NUMBL: variants seen among roughly 807,000 people sequenced by gnomAD.
NUMBL encodes the protein numb-like protein.
Under a neutral mutation model 48.9 loss-of-function variants are expected in NUMBL, and 20 were observed. The observed-to-expected ratio is 0.41, with a 90% confidence interval of 0.29 to 0.59. The LOEUF (loss-of-function observed/expected upper bound fraction) is 0.59. NUMBL is among the 20% of genes least tolerant of loss of function. The pLI is 0.31. For missense variants in NUMBL, 660 were observed against 846.2 expected (o/e 0.78, Z 2.73); for synonymous variants, 340 against 348.7 (o/e 0.98, Z 0.28).
At chr19:40,677,558 TG>T in intron 6 of NUMBL, 137 bp from the exon 7 acceptor site, 1 of 712,628 alleles carries the variant, frequency 1.4e-6, no homozygotes, top group Non-Finnish European at 2.3e-6. Context: ...AGTGCTCATC[TG>T]CACCACAAGG....
Position 40,680,139 on chromosome 19 carries a change from T to TG in NUMBL, c.540+777_540+778insC, listed in dbSNP as rs199927179. On this transcript the variant is annotated intron_variant, in intron 6 of 9. Coordinates refer to ENST00000252891, the MANE Select transcript of NUMBL (RefSeq NM_004756.5). ...TCTCATCCCCAAATAGTTTTTTTTT[T>TG]TTGTTTTCTTGAGACAGAGTCTCGC... Among the ~76,000 whole-genome samples, 977 of 151,456 alleles carry TG rather than the reference T, an allele frequency of 6.5e-3. 2 individuals are homozygous for TG. The highest frequency in any genetic ancestry group is 0.034 in the Middle Eastern group (10 of 294).
chr19:40,683,358 A>G (rs2081915611), intron 3 of NUMBL, among the ~76,000 whole-genome samples: 1 of 152,210 alleles, frequency 6.6e-6, no homozygotes, highest in Admixed American at 6.5e-5. Context: ...GAGTTAGGGT[A>G]CCTGAGCCCC....
At chr19:40,689,330 T>C (rs570058586) in intron 1 of NUMBL, among the ~76,000 whole-genome samples, 1 of 152,126 alleles carries the variant, frequency 6.6e-6, no homozygotes, top group Non-Finnish European at 1.5e-5. Flanking sequence ...AGTACAGGAT[T>C]CTGCACAGTG....
At chr19:40,684,123 C>A (rs1423396951) in intron 3 of NUMBL, 2 of 269,612 alleles carry the variant, frequency 7.4e-6, no homozygotes. Flanking sequence ...GGCTGGAGTG[C>A]AATGGCGCTA....
chr19:40,686,392 C>A (rs571689853), intron 2 of NUMBL, among the ~76,000 whole-genome samples: 154 of 129,216 alleles, frequency 1.2e-3, no homozygotes, highest in African/African-American at 4.5e-3. Context: ...GACCTCCTGA[C>A]CTCAGGTGAT....
At chr19:40,677,772 CAGG>C (rs1207451130) in intron 6 of NUMBL, among the ~76,000 whole-genome samples, 1 of 152,030 alleles carries the variant, frequency 6.6e-6, no homozygotes, top group Non-Finnish European at 1.5e-5. Context: ...CCCTTGAGCC[CAGG>C]AGGTCAAGGC....
chr19:40,674,840 G>GA (rs1217806069), intron 7 of NUMBL, among the ~76,000 whole-genome samples: 1 of 152,082 alleles, frequency 6.6e-6, no homozygotes, highest in Non-Finnish European at 1.5e-5. Context: ...AAATGTTTTG[G>GA]AATCCAACAA....
Position 40,687,248 on chromosome 19 carries a change from C to G in NUMBL, c.25-253G>C, listed in dbSNP as rs1488099250. On this transcript the variant is annotated intron_variant, in intron 1 of 9. Coordinates refer to ENST00000252891, the MANE Select transcript of NUMBL (RefSeq NM_004756.5). This position sits in a 1 kb window ranked among gnomAD's most constrained non-coding sequence, Gnocchi z 4.6. ...GAGAGCCTCACTGCCCAAGGGGATG[C>G]TGTGAGAGTGGCCTTGCCCTCCAGA... Among the ~76,000 whole-genome samples, 2 of 152,152 alleles carry G rather than the reference C, an allele frequency of 1.3e-5. No individual in the cohort carries two copies. Among genetic ancestry groups the G allele is most frequent in the Non-Finnish European group, 2.9e-5 (2 of 67,998 alleles).
chr19:40,671,511 G>GT (rs1197244496), intron 8 of NUMBL, among the ~76,000 whole-genome samples: 1 of 152,132 alleles, frequency 6.6e-6, no homozygotes, highest in East Asian at 1.9e-4. Flanking sequence ...AGGAGCACGT[G>GT]TGACAGCCTG....
In NUMBL at chr19:40,667,835, G is replaced by A. The variant is rs760640383; in HGVS notation, c.1463C>T (p.Pro488Leu). The change falls in exon 10 of 10, where the codon CCC (proline) becomes CTC (leucine). Residue 488 changes from proline to leucine, a missense_variant. Physicochemically the swap from Pro to Leu is moderately conservative, Grantham distance 98 (BLOSUM62 -3). Coordinates refer to ENST00000252891, the MANE Select transcript of NUMBL (RefSeq NM_004756.5). This position sits in a 1 kb window ranked among gnomAD's most constrained non-coding sequence, Gnocchi z 6.1. The part of the protein sequence containing the change: ...AVFLPPPHMQ[P>L]PFVPAYPGLG... ...GCCCGGGTAGGCGGGCACAAAAGGG[G>A]GCTGCATGTGTGGGGGTGGCAGGAA... 2.0e-5 allele frequency: 32 copies of A among 1,591,112 alleles called. No individual in the cohort carries two copies. Among genetic ancestry groups the A allele is most frequent in the Non-Finnish European group, 2.5e-5 (29 of 1,169,166 alleles).
chr19:40,682,849 CCT>C lies in NUMBL; in HGVS notation c.324+43_324+44del, dbSNP rs2081911999. ...AAGGAGCCGGGTCAGGGTGCCTCTC[CCT>C]GTCTGACCTTGCCCCCTCCCTCATG... On this transcript the variant is annotated intron_variant, in intron 4 of 9. Transcript: ENST00000252891. The surrounding 1 kb of genome is among the most constrained non-coding windows in gnomAD (Gnocchi z 4.0). 1.9e-6 allele frequency: 3 copies of C among 1,613,892 alleles called. No individual in the cohort carries two copies. The highest frequency in any genetic ancestry group is 2.5e-6 in the Non-Finnish European group (3 of 1,179,930).
intron 8 of NUMBL, among the ~76,000 whole-genome samples, chr19:40,670,572 A>G (rs1222880902): frequency 6.6e-6 from 1 of 151,888 alleles, no homozygotes; most frequent in Non-Finnish European, 1.5e-5. Context: ...CAAAGGTACC[A>G]TCCAAATAAA....
chr19:40,675,170 A>C (rs2081869035), intron 7 of NUMBL, among the ~76,000 whole-genome samples: 1 of 143,898 alleles, frequency 6.9e-6, no homozygotes, highest in Non-Finnish European at 1.5e-5. Context: ...AAAAAAAAAA[A>C]CTTAGCTGGA....
chr19:40,667,565 T>A lies in NUMBL; in HGVS notation c.1733A>T (p.Glu578Val). The A allele has an allele frequency of 6.4e-7, 1 of 1,559,522 alleles. No individual in the cohort carries two copies. The highest frequency in any genetic ancestry group is 8.7e-7 in the Non-Finnish European group (1 of 1,151,218). ...PAPAPELDPF[E>V]AQWAALEGKA... is the part of the protein sequence containing the mutation. ...GCCTTCTAATGCCGCCCACTGGGCCTCAAAGGGGTCCAACTCTGGAGCTGG... is the reference window on the plus strand; with the variant it reads ...GCCTTCTAATGCCGCCCACTGGGCCACAAAGGGGTCCAACTCTGGAGCTGG... The change falls in exon 10 of 10, where the codon GAG becomes GTG. Residue 578 changes from glutamate to valine, a missense_variant. Coordinates refer to ENST00000252891, the MANE Select transcript of NUMBL (RefSeq NM_004756.5). The surrounding 1 kb of genome is among the most constrained non-coding windows in gnomAD (Gnocchi z 6.1).
chr19:40,667,485 A>G lies in NUMBL; in HGVS notation c.1813T>C (p.Phe605Leu). 1 of 1,603,120 alleles carries G rather than the reference A, an allele frequency of 6.2e-7. No individual in the cohort carries two copies. The highest frequency in any genetic ancestry group is 8.5e-7 in the Non-Finnish European group (1 of 1,175,138). Residue 605 changes from phenylalanine (F) to leucine (L), a missense_variant, in exon 10 of 10, where the codon TTC becomes CTC. Physicochemically the swap from Phe to Leu is conservative, Grantham distance 22. This residue lies in a region of NUMBL where 296 missense variants were observed against 339.7 expected (regional missense o/e 0.87). Coordinates refer to ENST00000252891, the MANE Select transcript of NUMBL (RefSeq NM_004756.5). This position sits in a 1 kb window ranked among gnomAD's most constrained non-coding sequence, Gnocchi z 6.1. ...NPFSGDLQKT[F>L]EIEL ...GGCTCGGGCTACAGTTCAATCTCGA[A>G]TGTCTTTTGCAGGTCGCCAGAAAAG...
chr19:40,668,570 T>C (rs1036167284), intron 9 of NUMBL, among the ~76,000 whole-genome samples: 3 of 152,246 alleles, frequency 2.0e-5, no homozygotes, highest in African/African-American at 7.2e-5. Context: ...GCAATTCTCG[T>C]GCCTCAGTCT....
At chr19:40,680,794 T>C (rs2081901004) in intron 6 of NUMBL, 123 bp downstream of exon 6, 6 of 1,114,122 alleles carry the variant, frequency 5.4e-6, no homozygotes, top group Non-Finnish European at 8.0e-6. Flanking sequence ...TACTTTCTTC[T>C]CCAGATGAGG....
rs1303229860 is a variant in NUMBL, at chr19:40,688,666, CAAT to C, written c.25-1674_25-1672del. On this transcript the variant is annotated intron_variant, in intron 1 of 9. Transcript: ENST00000252891. The surrounding 1 kb of genome is among the most constrained non-coding windows in gnomAD (Gnocchi z 4.6). ...CAGGGTCAGACATGCAGGTCAAACA[CAAT>C]AATATGGAAGCCATAATCATATACA... 1.3e-5 allele frequency among the ~76,000 whole-genome samples: 2 copies of C among 152,294 alleles called. No individual in the cohort carries two copies. Among genetic ancestry groups the C allele is most frequent in the East Asian group, 1.9e-4 (1 of 5,186 alleles).
In NUMBL at chr19:40,682,991, G is replaced by T; in HGVS notation, c.250-23C>A. ...GTACTTGGGTTGGAGGGAATGGGGGGGGGGACATGAAACAGCACAGTAATC... is the reference window on the plus strand; with the variant it reads ...GTACTTGGGTTGGAGGGAATGGGGGTGGGGACATGAAACAGCACAGTAATC... On this transcript the variant is annotated intron_variant, in intron 3 of 9. Coordinates refer to ENST00000252891, the MANE Select transcript of NUMBL (RefSeq NM_004756.5). The surrounding 1 kb of genome is among the most constrained non-coding windows in gnomAD (Gnocchi z 4.0). 1 of 1,608,984 alleles carries T rather than the reference G, an allele frequency of 6.2e-7. No homozygotes were observed. Among genetic ancestry groups the T allele is most frequent in the Non-Finnish European group, 8.5e-7 (1 of 1,175,656 alleles).
Sources: gnomAD v4.1 joint callset for allele counts (sites outside exome capture counted in the v4.1 genomes callset) on GRCh38, gnomAD v4.1.1 for gene constraint, gnomAD v4.1.1 regional missense constraint, Gnocchi (gnomAD v3.1) non-coding constraint, MANE v1.5 for transcripts, NCBI Gene and HGNC (gene_info 2026-07-23, HGNC 2026-07-21) for gene names.